Variants in CDH3 observed in about 807,000 individuals in gnomAD.
CDH3 encodes the protein cadherin-3.
CDH3 carries 54 observed loss-of-function variants against 82.0 expected under a neutral mutation model. The observed-to-expected ratio is 0.66, with a 90% CI of 0.53 to 0.83. The LOEUF is 0.83. Among genes scored for constraint, CDH3 ranks in the 40% least tolerant of loss-of-function variants. The probability of loss-of-function intolerance (pLI) is 0.00; values close to 1 mark genes in which losing one functional copy is unlikely to be tolerated. For missense variants in CDH3, 1,054 were observed against 1,084.6 expected (o/e 0.97, Z 0.40); for synonymous variants, 446 against 437.9 (o/e 1.02, Z -0.23).
chr16:68,650,245 G>A (rs929510725), intron 2 of CDH3, among the ~76,000 whole-genome samples: 3 of 152,038 alleles, frequency 2.0e-5, no homozygotes, highest in African/African-American at 7.2e-5. Flanking sequence ...TCTCCTAGGG[G>A]ACTCATTTCC....
chr16:68,650,741 C>T (rs945304547), intron 2 of CDH3, among the ~76,000 whole-genome samples: 2 of 152,248 alleles, frequency 1.3e-5, no homozygotes, highest in African/African-American at 2.4e-5. Context: ...TTCTCCCCAG[C>T]ACAGCTCAGT....
intron 2 of CDH3, among the ~76,000 whole-genome samples, chr16:68,666,144 C>G (rs1220154014): frequency 6.6e-6 from 1 of 151,810 alleles, no homozygotes; most frequent in Admixed American, 6.6e-5. Context: ...GGCTTGCCTC[C>G]CCAGTATCCC....
downstream of CDH3, among the ~76,000 whole-genome samples, chr16:68,704,726 A>G (rs969441051): frequency 6.6e-6 from 1 of 152,136 alleles, no homozygotes; most frequent in Non-Finnish European, 1.5e-5. Flanking sequence ...CCGCCTCACA[A>G]CCCTGGGGAG....
the CDH3 span, among the ~76,000 whole-genome samples, chr16:68,732,619 C>T: frequency 3.9e-5 from 6 of 152,312 alleles, no homozygotes; most frequent in South Asian, 4.1e-4. Context: ...CCACTGTTAG[C>T]GCTGGATCTC....
chr16:68,712,486 G>C (rs1330936619), intron 1 of CDH3, among the ~76,000 whole-genome samples: 1 of 152,152 alleles, frequency 6.6e-6, no homozygotes, highest in East Asian at 1.9e-4. Context: ...AGCATTCTAA[G>C]AGCGGGTAGT....
rs749869663 is a variant in CDH3, at chr16:68,684,762, C to T, written c.1362C>T (p.Pro454=). The T allele has an allele frequency of 2.5e-6, 4 of 1,614,126 alleles. No individual in the cohort carries two copies. The highest frequency in any genetic ancestry group is 3.4e-6 in the Non-Finnish European group (4 of 1,179,986). Residue 454 remains proline (P), a synonymous_variant, in exon 10 of 16, where the codon CCC becomes CCT. Transcript: ENST00000264012. ...SKVVEVQEGI[P]TGEPVCVYTA... ...TCGTTGAGGTCCAGGAGGGCATCCC[C>T]ACTGGGGAGCCTGTGTGTGTCTACA...
rs1169555643 is a variant in CDH3 at position 68,707,678 on chromosome 16, C to G, written c.99+11755C>G. ...CCTAGGAGGCGATGGTGGAAAAGCACTCAGTGTTTAGCGCTGAGCCTGCAG... is the reference window on the plus strand; with the variant it reads ...CCTAGGAGGCGATGGTGGAAAAGCAGTCAGTGTTTAGCGCTGAGCCTGCAG... On this transcript the variant is annotated intron_variant, in intron 1 of 2. Coordinates refer to the CDH3 transcript ENST00000569080. This position sits in a 1 kb window ranked among gnomAD's most constrained non-coding sequence, Gnocchi z 4.5. Among the ~76,000 whole-genome samples the G allele has an allele frequency of 6.6e-6, 1 of 152,200 alleles. No homozygotes were observed. Among genetic ancestry groups the G allele is most frequent in the Non-Finnish European group, 1.5e-5 (1 of 68,028 alleles).
intron 2 of CDH3, chr16:68,651,985 C>T (rs963417468): frequency 1.6e-5 from 4 of 245,292 alleles, no homozygotes; most frequent in Admixed American, 1.4e-4. Context: ...AGGACAGGAC[C>T]GACTAGAGGT....
In CDH3 at chr16:68,657,788, C is replaced by T. The variant is rs896549403; in HGVS notation, c.160+12038C>T. Among the ~76,000 whole-genome samples, 4 of 152,170 alleles carry T rather than the reference C, an allele frequency of 2.6e-5. No individual in the cohort carries two copies. In the East Asian group the frequency reaches 5.8e-4, roughly 22 times the overall value. On this transcript the variant is annotated intron_variant, in intron 2 of 15. Coordinates refer to ENST00000264012, the MANE Select transcript of CDH3 (RefSeq NM_001793.6). ...GTATAATCCCAGGCCCTCTTCTTCT[C>T]CTTCAATCTCAGTAGCCCCCCTTTT...
chr16:68,707,731 T>G lies in CDH3; in HGVS notation c.99+11808T>G, dbSNP rs1317297738. ...CAGTTGGGGATCGCCAGGTGGTCACTGCCAGCCTTGTCCTCGCTTGGTATT... is the reference window on the plus strand; with the variant it reads ...CAGTTGGGGATCGCCAGGTGGTCACGGCCAGCCTTGTCCTCGCTTGGTATT... On this transcript the variant is annotated intron_variant, in intron 1 of 2. Transcript: ENST00000569080. This position sits in a 1 kb window ranked among gnomAD's most constrained non-coding sequence, Gnocchi z 4.5. Among the ~76,000 whole-genome samples, 1 of 152,120 alleles carries G rather than the reference T, an allele frequency of 6.6e-6. No individual in the cohort carries two copies. The highest frequency in any genetic ancestry group is 2.4e-5 in the African/African-American group (1 of 41,424).
intron 1 of CDH3, among the ~76,000 whole-genome samples, chr16:68,716,903 T>C (rs1486453227): frequency 2.0e-5 from 3 of 151,102 alleles, no homozygotes; most frequent in East Asian, 1.9e-4. Context: ...TTCTTTTTTT[T>C]TTTTTTTTAA....
Position 68,717,984 on chromosome 16 carries a change from C to CT in CDH3, c.100-4434dup, listed in dbSNP as rs566684396. 9.6e-4 allele frequency among the ~76,000 whole-genome samples: 146 copies of CT among 151,988 alleles called. 3 individuals are homozygous for CT. In the East Asian group the frequency reaches 0.021, roughly 22 times the overall value. On this transcript the variant is annotated intron_variant, in intron 1 of 2. Coordinates refer to the CDH3 transcript ENST00000569080. ...AACTTTTTCTTTTTCCTTTTCTTTT[C>CT]TTTTTTTCTTTTTGAGACAGAGTCT...
At chr16:68,720,793 GTAT>G (rs1962153610) in intron 1 of CDH3, among the ~76,000 whole-genome samples, 1 of 151,892 alleles carries the variant, frequency 6.6e-6, no homozygotes, top group African/African-American at 2.4e-5. Context: ...ACTAATTTTT[GTAT>G]TATTAGTAGA....
At chr16:68,714,641 G>T (rs942224482) in intron 1 of CDH3, among the ~76,000 whole-genome samples, 13 of 152,174 alleles carry the variant, frequency 8.5e-5, no homozygotes, top group Non-Finnish European at 1.6e-4. Context: ...GCCCACCGAA[G>T]GTCCCTGGTG....
chr16:68,687,874 C>T, intron 12 of CDH3, 138 bp downstream of exon 12: 1 of 691,570 alleles, frequency 1.4e-6, no homozygotes, highest in Non-Finnish European at 2.6e-6. Flanking sequence ...GAACCTCAAT[C>T]AGATGCTATT....
intron 2 of CDH3, chr16:68,651,597 A>T: frequency 2.0e-6 from 1 of 505,314 alleles, no homozygotes. Context: ...AGACACCTGC[A>T]CCTGCATCAT....
At chr16:68,695,162 G>A in intron 13 of CDH3, 93 bp from the exon 14 acceptor site, 1 of 1,311,652 alleles carries the variant, frequency 7.6e-7, no homozygotes, top group Non-Finnish European at 1.1e-6. Context: ...TACTGAGTGA[G>A]GACATCTGCA....
intron 2 of CDH3, among the ~76,000 whole-genome samples, chr16:68,675,079 C>T (rs780900911): frequency 2.6e-5 from 4 of 151,904 alleles, no homozygotes; most frequent in Middle Eastern, 3.4e-3. Flanking sequence ...TGCCACTGCA[C>T]TCCAGCCTGG....
intron 1 of CDH3, among the ~76,000 whole-genome samples, chr16:68,717,426 T>C (rs1962107860): frequency 6.6e-6 from 1 of 152,150 alleles, no homozygotes; most frequent in South Asian, 2.1e-4. Context: ...ACCAAACTCA[T>C]GTTGAAATTT....
Sources: allele counts gnomAD v4.1 joint callset (sites outside exome capture counted in the v4.1 genomes callset), GRCh38; gene constraint gnomAD v4.1.1; non-coding constraint Gnocchi (gnomAD v3.1); transcripts MANE v1.5; gene names NCBI Gene and HGNC (gene_info 2026-07-23, HGNC 2026-07-21).